The following TBC1D2 variants were observed in gnomAD, a reference collection of about 807,000 sequenced individuals.
TBC1D2 encodes the protein TBC1 domain family member 2.
Under a neutral mutation model 91.1 loss-of-function variants are expected in TBC1D2, and 58 were observed. The observed-to-expected ratio is 0.64, with a 90% CI of 0.52 to 0.79. The LOEUF is 0.79. Ranked by LOEUF, TBC1D2 falls within the 30% of genes least tolerant of loss-of-function variation. The pLI is 0.00. For synonymous variants in TBC1D2, 482 were observed against 511.5 expected (o/e 0.94, Z 0.78); for missense variants, 1,080 against 1,208.3 (o/e 0.89, Z 1.57).
rs1563994333 is a variant in TBC1D2 at position 98,255,396 on chromosome 9, C to A, written c.146G>T (p.Cys49Phe). 6.2e-7 allele frequency: 1 copy of A among 1,614,082 alleles called. No homozygotes were observed. Among genetic ancestry groups the A allele is most frequent in the Admixed American group, 1.7e-5 (1 of 60,024 alleles). Residue 49 changes from cysteine to phenylalanine, a missense_variant, in exon 1 of 13, where the codon TGT becomes TTT. Cys to Phe is a radical substitution (Grantham distance 205). Coordinates refer to ENST00000465784, the MANE Select transcript of TBC1D2 (RefSeq NM_001267571.2). ...GCCGCCGAACTTACTTAAATACCCA[C>A]AGAGTTTCTTGGGGACCGCCTCCAG... ...RSLEAVPKKL[C>F]GYLSKFGGKG... is the part of the protein sequence containing the mutation.
chr9:98,200,550 C>T (rs1305052461), intron 11 of TBC1D2, among the ~76,000 whole-genome samples, 176 bp from the exon 12 acceptor site: 2 of 149,692 alleles, frequency 1.3e-5, no homozygotes, highest in African/African-American at 2.5e-5. Context: ...AGACTGAATA[C>T]CCCGGCGGGG....
At chr9:98,243,043 G>A (rs1365544296) in intron 3 of TBC1D2, among the ~76,000 whole-genome samples, 2 of 151,644 alleles carry the variant, frequency 1.3e-5, no homozygotes, top group African/African-American at 4.8e-5. Context: ...GCCTCCCAAA[G>A]TGTTGCAATT....
At chr9:98,251,650 T>A in intron 2 of TBC1D2, 135 bp downstream of exon 2, 1 of 1,323,698 alleles carries the variant, frequency 7.6e-7, no homozygotes, top group South Asian at 1.8e-5. Context: ...ATTCTTGCCC[T>A]AACTAATCCT....
rs34769888 is a variant in TBC1D2, at chr9:98,199,422, C to T, written c.2746G>A (p.Glu916Lys). 7.0e-3 allele frequency: 11,287 copies of T among 1,613,802 alleles called. 49 individuals carry two copies. The highest frequency in any genetic ancestry group is 0.015 in the Middle Eastern group (87 of 5,864). The change falls in exon 13 of 13, where the codon GAG (glutamate) becomes AAG (lysine). Residue 916 changes from glutamate to lysine, a missense_variant. Transcript: ENST00000465784. ...ACCTCGTCCTCGCTGGCACAGCCCT[C>T]GGACACAGCTCTGCGCCGGGATGCC... ...RRASRRRAVS[E>K]GCASEDEVEG...
intron 6 of TBC1D2, among the ~76,000 whole-genome samples, chr9:98,220,438 G>A (rs967412033): frequency 6.6e-6 from 1 of 152,144 alleles, no homozygotes; most frequent in Non-Finnish European, 1.5e-5. Context: ...GCAGGACTGT[G>A]GGGGGAGGGT....
chr9:98,200,433 A>T, intron 11 of TBC1D2, 59 bp from the exon 12 acceptor site: 1 of 1,524,970 alleles, frequency 6.6e-7, no homozygotes, highest in Non-Finnish European at 8.9e-7. Flanking sequence ...TCATCCCCGG[A>T]GGGAGGGAAC....
rs73657124 is a variant in TBC1D2 at position 98,233,336 on chromosome 9, C to T, written c.781+80G>A. Reference sequence around the variant, plus strand: ...ACACACAAAAGCACAAATGCTGGTTCGCTGGAAGGAAAGAAGGCACTTGTG... The same window carrying T: ...ACACACAAAAGCACAAATGCTGGTTTGCTGGAAGGAAAGAAGGCACTTGTG... On this transcript the variant is annotated intron_variant, in intron 4 of 12. Transcript: ENST00000465784. 3.9e-3 allele frequency: 5,862 copies of T among 1,519,984 alleles called. 189 individuals carry two copies. In the African/African-American group the frequency reaches 0.071, roughly 19 times the overall value. The allele number at this position is 1,519,984 out of a possible 1,614,324, so 94.2% of individuals were successfully genotyped here.
Position 98,203,285 on chromosome 9 carries a change from T to C in TBC1D2, c.2271+3A>G. ...TGCAAAGTCCCCTCCTGGCCCCACT[T>C]ACCTGGGATGCCGTCAGCGTGTTGC... On this transcript the variant is annotated splice_donor_region_variant and intron_variant, in intron 10 of 12. Coordinates refer to ENST00000465784, the MANE Select transcript of TBC1D2 (RefSeq NM_001267571.2). The C allele has an allele frequency of 6.2e-7, 1 of 1,614,182 alleles. No homozygotes were observed. Among genetic ancestry groups the C allele is most frequent in the Non-Finnish European group, 8.5e-7 (1 of 1,179,998 alleles).
rs756581790 is a variant in TBC1D2 at position 98,255,232 on chromosome 9, C to T, written c.310G>A (p.Ala104Thr). ...TCGAAGATCCCCTCCTCAGCGTCCG[C>T]CTTACAGTCAAACACTGCACTGGAG... ...DLSSAVFDCK[A>T]DAEEGIFEIK... The change falls in exon 1 of 13, where the codon GCG becomes ACG. Residue 104 changes from alanine (A) to threonine (T), a missense_variant. Physicochemically the swap from Ala to Thr is moderately conservative, Grantham distance 58. Coordinates refer to ENST00000465784, the MANE Select transcript of TBC1D2 (RefSeq NM_001267571.2). The T allele has an allele frequency of 1.2e-5, 19 of 1,613,816 alleles. No homozygotes were observed. Among genetic ancestry groups the T allele is most frequent in the Middle Eastern group, 1.6e-4 (1 of 6,080 alleles).
chr9:98,227,222 G>A (rs902980817), intron 5 of TBC1D2, among the ~76,000 whole-genome samples: 3 of 152,286 alleles, frequency 2.0e-5, no homozygotes, highest in Non-Finnish European at 4.4e-5. Context: ...GGGACCTCAC[G>A]TGTTATAACT....
At position 98,201,502 on chromosome 9, in the gene TBC1D2, C is replaced by A. The variant is rs754210362; in HGVS notation, c.2434G>T (p.Ala812Ser). 1.9e-6 allele frequency: 3 copies of A among 1,614,064 alleles called. No individual in the cohort carries two copies. Among genetic ancestry groups the A allele is most frequent in the East Asian group, 4.5e-5 (2 of 44,870 alleles). Residue 812 changes from alanine to serine, a missense_variant, in exon 11 of 13, where the codon GCC (alanine) becomes TCC (serine). Coordinates refer to ENST00000465784, the MANE Select transcript of TBC1D2 (RefSeq NM_001267571.2). The stretch of plus-strand genomic sequence containing the variant: ...ACCTTCGTCCCCTCGTACAGGAAGG[C>A]ATCCCAGACCCGAAGGAGGATGTTG... The part of the protein sequence containing the change: ...ISNILLRVWD[A>S]FLYEGTKVVF...
intron 3 of TBC1D2, among the ~76,000 whole-genome samples, chr9:98,236,799 T>C (rs546466790): frequency 6.6e-6 from 1 of 152,230 alleles, no homozygotes; most frequent in African/African-American, 2.4e-5. Context: ...GTTGGTTCTT[T>C]ACACTGGTGA....
intron 3 of TBC1D2, 104 bp downstream of exon 3, chr9:98,243,890 C>A: frequency 6.9e-7 from 1 of 1,442,688 alleles, no homozygotes; most frequent in South Asian, 1.3e-5. Flanking sequence ...AGCCCATAAC[C>A]CTCTCCCGGG....
chr9:98,251,931 G>A lies in TBC1D2; in HGVS notation c.370-5C>T. 6.3e-7 allele frequency: 1 copy of A among 1,598,266 alleles called. No homozygotes were observed. The highest frequency in any genetic ancestry group is 8.5e-7 in the Non-Finnish European group (1 of 1,173,750). On this transcript the variant is annotated splice_polypyrimidine_tract_variant and splice_region_variant and intron_variant, in intron 1 of 12. Transcript: ENST00000465784. ...CATCGCTTGCTTGGTGGCGGCCTGA[G>A]AAGCACAAGGATTAGTTGGCAAGGC...
chr9:98,213,614 C>A, intron 6 of TBC1D2: 1 of 170,140 alleles, frequency 5.9e-6, no homozygotes, highest in Non-Finnish European at 1.3e-5. Flanking sequence ...AGCAAGTGCT[C>A]AAGTAGTGTT....
At chr9:98,205,664 T>TAGAA (rs1251317706) in intron 9 of TBC1D2, among the ~76,000 whole-genome samples, 1 of 151,822 alleles carries the variant, frequency 6.6e-6, no homozygotes. Context: ...CCCGAGTAGC[T>TAGAA]AGAACTACAG....
intron 1 of TBC1D2, among the ~76,000 whole-genome samples, chr9:98,254,804 A>C (rs1232218550): frequency 1.1e-4 from 17 of 152,226 alleles, no homozygotes; most frequent in Non-Finnish European, 2.2e-4. Flanking sequence ...CTTAGGTCCC[A>C]GGTAAGAAAG....
intron 5 of TBC1D2, among the ~76,000 whole-genome samples, chr9:98,222,488 G>C (rs1487193332): frequency 6.6e-6 from 1 of 152,226 alleles, no homozygotes. Flanking sequence ...AATAGAGCTT[G>C]ATTTATTCCT....
intron 3 of TBC1D2, 23 bp downstream of exon 3, chr9:98,243,971 C>A (rs113051026): frequency 1.3e-6 from 2 of 1,588,504 alleles, no homozygotes; most frequent in South Asian, 1.1e-5. Context: ...CTTGGCTAGC[C>A]CCTCAGCTCC....
Sources: allele counts gnomAD v4.1 joint callset (sites outside exome capture counted in the v4.1 genomes callset), GRCh38; gene constraint gnomAD v4.1.1; transcripts MANE v1.5; gene names NCBI Gene and HGNC (gene_info 2026-07-23, HGNC 2026-07-21).